H2AZ2: variants seen among roughly 807,000 people sequenced by gnomAD.
H2AZ2 encodes the protein H2A.Z variant histone 2.
H2AZ2 carries 5 observed loss-of-function variants against 15.5 expected under a neutral mutation model. The observed-to-expected ratio is 0.32, with a 90% CI of 0.17 to 0.68. H2AZ2 has a LOEUF of 0.68. Ranked by LOEUF, H2AZ2 falls within the 30% of genes least tolerant of loss-of-function variation. H2AZ2 has a pLI of 0.72. For synonymous variants in H2AZ2, 44 were observed against 57.4 expected, an observed-to-expected ratio of 0.77 and a Z score of 1.05; for missense variants, 42 against 162.5, an observed-to-expected ratio of 0.26 and a Z score of 4.03.
rs1184422316 is a variant in H2AZ2, at chr7:44,847,997, C to T, written c.-26G>A. Reference sequence around the variant, plus strand: ...GTTCTCGGCGCCGACTCCGCCTCCGCTCGGCCGCGCGCCCTCCCGCTGCCG... The same window carrying T: ...GTTCTCGGCGCCGACTCCGCCTCCGTTCGGCCGCGCGCCCTCCCGCTGCCG... On this transcript the variant is annotated 5_prime_UTR_variant, in exon 1 of 5. Transcript: ENST00000308153. 2.2e-6 allele frequency: 3 copies of T among 1,372,992 alleles called. No individual in the cohort carries two copies. The South Asian group carries it at 5.1e-5, about 23-fold the overall frequency. The allele number at this position is 1,372,992 out of a possible 1,614,324, so 85.1% of individuals were successfully genotyped here.
chr7:44,836,271 A>G (rs1793120529), intron 3 of H2AZ2, among the ~76,000 whole-genome samples: 1 of 152,176 alleles, frequency 6.6e-6, no homozygotes, highest in Non-Finnish European at 1.5e-5. Context: ...TCAAAGTCAT[A>G]TATTTTAATA....
At position 44,834,461 on chromosome 7, in the gene H2AZ2, T is replaced by A; in HGVS notation, c.*40A>T. ...ATTATTTCTTCTGTCCCAGTTACAG[T>A]ACAATGACGGGGAGGAAGAGGGTTG... On this transcript the variant is annotated 3_prime_UTR_variant, in exon 5 of 5. Coordinates refer to ENST00000308153, the MANE Select transcript of H2AZ2 (RefSeq NM_012412.5). The A allele has an allele frequency of 6.3e-7, 1 of 1,597,028 alleles. No individual in the cohort carries two copies. Among genetic ancestry groups the A allele is most frequent in the Non-Finnish European group, 8.5e-7 (1 of 1,171,616 alleles).
rs1356805301 is a variant in H2AZ2 at position 44,834,347 on chromosome 7, T to C, written c.*154A>G. On this transcript the variant is annotated 3_prime_UTR_variant, in exon 5 of 5. Coordinates refer to ENST00000308153, the MANE Select transcript of H2AZ2 (RefSeq NM_012412.5). ...AGGTACTTTTATCAAACTTCGAGTCTAAGAACATACAAATGTTTCTTTTAT... is the reference window on the plus strand; with the variant it reads ...AGGTACTTTTATCAAACTTCGAGTCCAAGAACATACAAATGTTTCTTTTAT... 7.4e-7 allele frequency: 1 copy of C among 1,342,796 alleles called. No homozygotes were observed. The highest frequency in any genetic ancestry group is 9.6e-7 in the Non-Finnish European group (1 of 1,037,988). 83.2% of individuals were successfully genotyped at this position (1,342,796 alleles called of 1,614,324 possible). A position where few individuals can be genotyped will look rare whatever the true frequency, so the allele number is the denominator to read the frequency against.
At chr7:44,847,528 C>G (rs1030176997) in intron 1 of H2AZ2, among the ~76,000 whole-genome samples, 2 of 152,216 alleles carry the variant, frequency 1.3e-5, no homozygotes, top group South Asian at 4.1e-4. Context: ...CGCAGAAACC[C>G]TCAAACTGAC....
rs1477688032 is a variant in H2AZ2, at chr7:44,843,274, T to G, written c.81+3A>C. ...TAATGTAATGACAGCATGGATTCAT[T>G]ACCTGTAGCCCAGCTCTCTGTGAGC... is the stretch of plus-strand genomic sequence containing the variant. On this transcript the variant is annotated splice_donor_region_variant and intron_variant, in intron 2 of 4. Transcript: ENST00000308153. 6.3e-7 allele frequency: 1 copy of G among 1,591,498 alleles called. No individual in the cohort carries two copies. Among genetic ancestry groups the G allele is most frequent in the South Asian group, 1.1e-5 (1 of 87,682 alleles).
chr7:44,842,471 C>T (rs1793296810), intron 2 of H2AZ2, among the ~76,000 whole-genome samples: 1 of 152,168 alleles, frequency 6.6e-6, no homozygotes, highest in South Asian at 2.1e-4. Flanking sequence ...TAACTTGCCC[C>T]TACTACAAAC....
chr7:44,829,149 T>C (rs986484852), downstream of H2AZ2: 2 of 152,220 alleles, frequency 1.3e-5, no homozygotes, highest in Non-Finnish European at 2.9e-5. Flanking sequence ...CACCCCCTCC[T>C]GGAACCTCTC....
chr7:44,827,706 A>G (rs1369321711), downstream of H2AZ2: 1 of 152,244 alleles, frequency 6.6e-6, no homozygotes, highest in Non-Finnish European at 1.5e-5. Flanking sequence ...CCATATCAAC[A>G]GGAAACAGGG....
At chr7:44,839,598 C>G (rs1217695459) in intron 3 of H2AZ2, among the ~76,000 whole-genome samples, 1 of 151,104 alleles carries the variant, frequency 6.6e-6, no homozygotes, top group Non-Finnish European at 1.5e-5. Context: ...GGGAGAATGG[C>G]GTGAATCCGG....
At chr7:44,831,704 TA>T (rs1288472632), downstream of H2AZ2, among the ~76,000 whole-genome samples, 1 of 152,180 alleles carries the variant, frequency 6.6e-6, no homozygotes, top group East Asian at 1.9e-4. Flanking sequence ...GGATTCCAGC[TA>T]ATAGATGCAG....
In H2AZ2 at chr7:44,836,777, A is replaced by G. The variant is rs563569371; in HGVS notation, c.196-1119T>C. 5.3e-5 allele frequency among the ~76,000 whole-genome samples: 8 copies of G among 152,026 alleles called. No individual in the cohort carries two copies. In the East Asian group the frequency reaches 1.4e-3, roughly 26 times the overall value. The stretch of plus-strand genomic sequence containing the variant: ...TTTGGGAGGCCGAGAGGGGTGGATC[A>G]TGAGGTCAGGAGATCGAGACCATCC... On this transcript the variant is annotated intron_variant, in intron 3 of 4. Transcript: ENST00000308153.
Position 44,840,891 on chromosome 7 carries a change from G to C in H2AZ2, c.195+8C>G, listed in dbSNP as rs773872384. ...ATGGCCATATACAACAGACATTCCT[G>C]TACAAACCTCTGCAGTGAGGTACTC... On this transcript the variant is annotated splice_region_variant and intron_variant, in intron 3 of 4. Coordinates refer to ENST00000308153, the MANE Select transcript of H2AZ2 (RefSeq NM_012412.5). The C allele has an allele frequency of 6.3e-7, 1 of 1,599,240 alleles. No individual in the cohort carries two copies. The highest frequency in any genetic ancestry group is 8.6e-7 in the Non-Finnish European group (1 of 1,166,850).
chr7:44,847,981 G>A lies in H2AZ2; in HGVS notation c.-10C>T. The A allele has an allele frequency of 6.9e-7, 1 of 1,441,964 alleles. No individual in the cohort carries two copies. The allele number at this position is 1,441,964 out of a possible 1,614,324, so 89.3% of individuals were successfully genotyped here. On this transcript the variant is annotated 5_prime_UTR_variant, in exon 1 of 5. Transcript: ENST00000308153. ...CGGCCGCCCTTACCATGTTCTCGGC[G>A]CCGACTCCGCCTCCGCTCGGCCGCG... is the stretch of plus-strand genomic sequence containing the variant.
chr7:44,832,538 T>G lies in H2AZ2; in HGVS notation c.*1963A>C, dbSNP rs1353661175. Among the ~76,000 whole-genome samples the G allele has an allele frequency of 6.6e-6, 1 of 152,214 alleles. No individual in the cohort carries two copies. Among genetic ancestry groups the G allele is most frequent in the Non-Finnish European group, 1.5e-5 (1 of 68,042 alleles). On this transcript the variant is annotated 3_prime_UTR_variant, in exon 5 of 5. Transcript: ENST00000308153. Reference sequence around the variant, plus strand: ...TTCCATAATAAAATGTTTTTAAAAATGAGTTTGGATAGCATTATACTATAA... The same window carrying G: ...TTCCATAATAAAATGTTTTTAAAAAGGAGTTTGGATAGCATTATACTATAA...
downstream of H2AZ2, among the ~76,000 whole-genome samples, chr7:44,831,184 T>C (rs996027013): frequency 5.9e-5 from 9 of 151,908 alleles, no homozygotes; most frequent in Non-Finnish European, 1.0e-4. Context: ...AAAAATAAAA[T>C]AAAACATAAA....
In H2AZ2 at chr7:44,832,167, C is replaced by A. The variant is rs1793010132; in HGVS notation, c.*2334G>T. Among the ~76,000 whole-genome samples, 2 of 152,004 alleles carry A rather than the reference C, an allele frequency of 1.3e-5. No homozygotes were observed. Among genetic ancestry groups the A allele is most frequent in the South Asian group, 4.2e-4 (2 of 4,814 alleles). On this transcript the variant is annotated 3_prime_UTR_variant, in exon 5 of 5. Coordinates refer to ENST00000308153, the MANE Select transcript of H2AZ2 (RefSeq NM_012412.5). ...AACAAAATGCAAGATCTAGATCTTG[C>A]CTGGATCTTGACTCGAATAAACCAA... is the stretch of plus-strand genomic sequence containing the variant.
intron 1 of H2AZ2, 104 bp downstream of exon 1, chr7:44,847,865 G>C: frequency 6.7e-7 from 1 of 1,483,402 alleles, no homozygotes; most frequent in Non-Finnish European, 9.0e-7. Flanking sequence ...ACGAAGCCCA[G>C]ACACCCGCAA....
chr7:44,843,168 AAAAAAAAGTCT>A, intron 2 of H2AZ2, 98 bp downstream of exon 2: 1 of 308,080 alleles, frequency 3.2e-6, no homozygotes, highest in Non-Finnish European at 5.9e-6. Flanking sequence ...AAAAAAAAAA[AAAAAAAAGTCT>A]GTAGTAATAC....
chr7:44,843,515 T>C lies in H2AZ2; in HGVS notation c.4-161A>G, dbSNP rs576592263. On this transcript the variant is annotated intron_variant, in intron 1 of 4. Transcript: ENST00000308153. ...ATATACATGGGATTCTATCACCTTT[T>C]ATAATTTCTATCAAAGAAATCAAAC... Among the ~76,000 whole-genome samples the C allele has an allele frequency of 7.9e-5, 12 of 152,352 alleles. No homozygotes were observed. In the East Asian group the frequency reaches 2.3e-3, roughly 29 times the overall value.
Sources: allele counts gnomAD v4.1 joint callset (sites outside exome capture counted in the v4.1 genomes callset), GRCh38; gene constraint gnomAD v4.1.1; transcripts MANE v1.5; gene names NCBI Gene and HGNC (gene_info 2026-07-23, HGNC 2026-07-21).